TOX4: variants seen among roughly 807,000 people sequenced by gnomAD.
The protein encoded by TOX4 is TOX high mobility group box family member 4.
TOX4 carries 12 observed loss-of-function variants against 61.0 expected under a neutral mutation model. The observed-to-expected ratio is 0.20, with a 90% CI of 0.13 to 0.32. TOX4 has a LOEUF of 0.32. TOX4 is among the 10% of genes least tolerant of loss of function. The pLI is 1.00. For synonymous variants in TOX4, 268 were observed against 274.8 expected (o/e 0.98, Z 0.24); for missense variants, 499 against 753.3 (o/e 0.66, Z 3.95).
In TOX4 at chr14:21,492,489, G is replaced by T. The variant is rs1369110001; in HGVS notation, c.892-19G>T. On this transcript the variant is annotated intron_variant, in intron 6 of 8. Transcript: ENST00000448790. ...CAAGTGATTGATTAATTGATAGATT[G>T]ATTTATGTCTTCTTTTAGGCCACTG... is the stretch of plus-strand genomic sequence containing the variant. The T allele has an allele frequency of 6.2e-7, 1 of 1,611,904 alleles. No individual in the cohort carries two copies. Among genetic ancestry groups the T allele is most frequent in the Admixed American group, 1.7e-5 (1 of 59,776 alleles).
chr14:21,488,185 G>T (rs1343404173), intron 3 of TOX4: 2 of 187,566 alleles, frequency 1.1e-5, no homozygotes, highest in Non-Finnish European at 2.2e-5. Flanking sequence ...CTCTATATTT[G>T]ATGCCAGACT....
chr14:21,488,258 G>A, intron 3 of TOX4: 2 of 225,678 alleles, frequency 8.9e-6, no homozygotes, highest in Non-Finnish European at 1.8e-5. Context: ...TATTATTTTG[G>A]GAGAGTACAG....
Position 21,498,822 on chromosome 14 carries a change from CT to C in TOX4, c.*2220del. 1 of 558,136 alleles carries C rather than the reference CT, an allele frequency of 1.8e-6. No homozygotes were observed. The highest frequency in any genetic ancestry group is 3.2e-6 in the Non-Finnish European group (1 of 313,228). 34.6% of individuals were successfully genotyped at this position (558,136 alleles called of 1,614,324 possible). A position where few individuals can be genotyped will look rare whatever the true frequency, so the allele number is the denominator to read the frequency against. ...AGAGTAGAAACCCTAGGGAGCAGTGCTTTTGGGTCCTAGAACCTGTTGAGTT... is the reference window on the plus strand; with the variant it reads ...AGAGTAGAAACCCTAGGGAGCAGTGCTTTGGGTCCTAGAACCTGTTGAGTT... On this transcript the variant is annotated 3_prime_UTR_variant, in exon 9 of 9. Coordinates refer to ENST00000448790, the MANE Select transcript of TOX4 (RefSeq NM_014828.4).
At chr14:21,480,753 A>G (rs1422761119) in intron 2 of TOX4, among the ~76,000 whole-genome samples, 1 of 152,216 alleles carries the variant, frequency 6.6e-6, no homozygotes, top group African/African-American at 2.4e-5. Context: ...CATATTCAGA[A>G]TATATCAAGT....
intron 1 of TOX4, 29 bp from the exon 2 acceptor site, chr14:21,477,465 CTT>C (rs752397311): frequency 6.2e-7 from 1 of 1,612,852 alleles, no homozygotes; most frequent in East Asian, 2.2e-5. Context: ...CTCCCCCTAA[CTT>C]ATCCCCGCGA....
At chr14:21,483,680 T>TA (rs1335655100) in intron 2 of TOX4, among the ~76,000 whole-genome samples, 13 of 150,924 alleles carry the variant, frequency 8.6e-5, no homozygotes, top group South Asian at 2.1e-4. Flanking sequence ...GTCTCAGAAT[T>TA]AAAAAAAACA....
At position 21,496,790 on chromosome 14, in the gene TOX4, T is replaced by C; in HGVS notation, c.*184T>C. ...TGGAGCAGGGCCACTGAATTTGCTG[T>C]AATCTGGAGATGCTTTTTACTTTCA... On this transcript the variant is annotated 3_prime_UTR_variant, in exon 9 of 9. Coordinates refer to ENST00000448790, the MANE Select transcript of TOX4 (RefSeq NM_014828.4). 1.7e-6 allele frequency: 1 copy of C among 572,752 alleles called. No individual in the cohort carries two copies. The highest frequency in any genetic ancestry group is 3.1e-6 in the Non-Finnish European group (1 of 322,542). 35.5% of individuals were successfully genotyped at this position (572,752 alleles called of 1,614,324 possible).
intron 5 of TOX4, among the ~76,000 whole-genome samples, chr14:21,490,202 G>A (rs1218256123): frequency 6.6e-6 from 1 of 151,110 alleles, no homozygotes; most frequent in African/African-American, 2.4e-5. Flanking sequence ...TATAGGCCGG[G>A]CGCGGTGGCT....
In TOX4 at chr14:21,493,231, G is replaced by A. The variant is rs775923292; in HGVS notation, c.1615G>A (p.Glu539Lys). ...VEAPSPETIC[E>K]MITDVVPEVE... ...GGCACCTTCTCCTGAGACTATCTGT[G>A]AGATGATCACAGATGTAGTTCCTGA... is the stretch of plus-strand genomic sequence containing the variant. Residue 539 changes from glutamate (E) to lysine (K), a missense_variant, in exon 7 of 9, where the codon GAG (glutamate) becomes AAG (lysine). Transcript: ENST00000448790. 15 of 1,613,008 alleles carry A rather than the reference G, an allele frequency of 9.3e-6. No individual in the cohort carries two copies. Among genetic ancestry groups the A allele is most frequent in the African/African-American group, 1.3e-5 (1 of 74,976 alleles).
At chr14:21,486,650 C>T (rs1891194793) in intron 2 of TOX4, among the ~76,000 whole-genome samples, 1 of 152,168 alleles carries the variant, frequency 6.6e-6, no homozygotes, top group Non-Finnish European at 1.5e-5. Context: ...TAGCAGTTCA[C>T]ATCTTAATCA....
chr14:21,488,573 C>A lies in TOX4; in HGVS notation c.319-17C>A. On this transcript the variant is annotated splice_polypyrimidine_tract_variant and intron_variant, in intron 3 of 8. Coordinates refer to ENST00000448790, the MANE Select transcript of TOX4 (RefSeq NM_014828.4). Reference sequence around the variant, plus strand: ...TTTTTATATTTAGTGTTTAATTAGTCCTTCTGCTTCTCTCAGGACTTGGAC... The same window carrying A: ...TTTTTATATTTAGTGTTTAATTAGTACTTCTGCTTCTCTCAGGACTTGGAC... The A allele has an allele frequency of 6.2e-7, 1 of 1,605,706 alleles. No individual in the cohort carries two copies. The highest frequency in any genetic ancestry group is 8.5e-7 in the Non-Finnish European group (1 of 1,173,226).
At chr14:21,489,071 A>T in intron 4 of TOX4, 102 bp from the exon 5 acceptor site, 1 of 1,328,208 alleles carries the variant, frequency 7.5e-7, no homozygotes, top group Non-Finnish European at 1.0e-6. Flanking sequence ...TGCTATTTCT[A>T]TGATTTTTAG....
At position 21,492,278 on chromosome 14, in the gene TOX4, A is replaced by G; in HGVS notation, c.811-18A>G. The G allele has an allele frequency of 2.0e-6, 3 of 1,530,786 alleles. No homozygotes were observed. Among genetic ancestry groups the G allele is most frequent in the Non-Finnish European group, 2.7e-6 (3 of 1,125,192 alleles). The allele number at this position is 1,530,786 out of a possible 1,614,324, so 94.8% of individuals were successfully genotyped here. ...TATGGGGAGTTTTGTTTTTTTTTTT[A>G]AAGTCTCTTTTTTGCAGGTATATAA... On this transcript the variant is annotated intron_variant, in intron 5 of 8. Transcript: ENST00000448790.
chr14:21,493,059 A>G lies in TOX4; in HGVS notation c.1443A>G (p.Arg481=). 3 of 1,614,062 alleles carry G rather than the reference A, an allele frequency of 1.9e-6. No individual in the cohort carries two copies. Among genetic ancestry groups the G allele is most frequent in the Non-Finnish European group, 2.5e-6 (3 of 1,179,988 alleles). ...AACAGCCTCCACCTCAGAAAGTTCG[A>G]ATCAATTTACAGCAACAGCCTCCTC... ...AMQQPPPQKV[R]INLQQQPPPL... The change falls in exon 7 of 9, where the codon CGA becomes CGG. Residue 481 remains arginine, a synonymous_variant. Coordinates refer to ENST00000448790, the MANE Select transcript of TOX4 (RefSeq NM_014828.4).
chr14:21,479,171 T>C (rs1891065948), intron 2 of TOX4, among the ~76,000 whole-genome samples: 1 of 144,846 alleles, frequency 6.9e-6, no homozygotes, highest in Admixed American at 7.2e-5. Flanking sequence ...AGTGTGAATC[T>C]AGTATGCAGC....
intron 7 of TOX4, among the ~76,000 whole-genome samples, chr14:21,494,744 C>T (rs1260441232): frequency 1.7e-5 from 2 of 116,226 alleles, no homozygotes; most frequent in South Asian, 2.9e-4. Flanking sequence ...AGAGAGACTC[C>T]GTCTCAAAAA....
rs147244724 is a variant in TOX4 at position 21,487,680 on chromosome 14, G to C, written c.305G>C (p.Gly102Ala). 1 of 1,612,142 alleles carries C rather than the reference G, an allele frequency of 6.2e-7. No individual in the cohort carries two copies. The highest frequency in any genetic ancestry group is 1.3e-5 in the African/African-American group (1 of 74,970). ...GAGCAGGGCGGGGGGCTCCTGAGTGGGGGCTTGACCATGGTAAGGGGCAAG... is the reference window on the plus strand; with the variant it reads ...GAGCAGGGCGGGGGGCTCCTGAGTGCGGGCTTGACCATGGTAAGGGGCAAG... ...LMEQGGGLLS[G>A]GLTMDLDHSI... Residue 102 changes from glycine (G) to alanine (A), a missense_variant, in exon 3 of 9, where the codon GGG becomes GCG. By Grantham distance (60) the Gly-to-Ala change is moderately conservative. Coordinates refer to ENST00000448790, the MANE Select transcript of TOX4 (RefSeq NM_014828.4).
In TOX4 at chr14:21,495,282, ACT is replaced by A. The variant is rs1362606662; in HGVS notation, c.1699_1700del (p.Ser567ThrfsTer11). The A allele has an allele frequency of 6.2e-7, 1 of 1,613,798 alleles. No individual in the cohort carries two copies. Among genetic ancestry groups the A allele is most frequent in the East Asian group, 2.2e-5 (1 of 44,880 alleles). ...VELVSGSPVA[L>X]SPQPRCVRSG... is the part of the protein sequence containing the mutation. ...AATTGGTGAGTGGGTCTCCTGTGGC[ACT>A]CTCACCCCAGCCTCGATGTGTGAGG... On this transcript the variant is annotated frameshift_variant, in exon 8 of 9. Transcript: ENST00000448790. LOFTEE classifies it high-confidence loss of function.
intron 2 of TOX4, among the ~76,000 whole-genome samples, chr14:21,478,278 C>T (rs1362354606): frequency 2.0e-5 from 3 of 152,200 alleles, no homozygotes; most frequent in African/African-American, 7.2e-5. Flanking sequence ...GTTACCTTTA[C>T]CTACATGGTG....
Sources: gnomAD v4.1 joint callset for allele counts (sites outside exome capture counted in the v4.1 genomes callset) on GRCh38, gnomAD v4.1.1 for gene constraint, MANE v1.5 for transcripts, NCBI Gene and HGNC (gene_info 2026-07-23, HGNC 2026-07-21) for gene names.